ANKRD13C: variants seen among roughly 807,000 people sequenced by gnomAD.
ANKRD13C encodes the protein ankyrin repeat domain 13C.
In ANKRD13C, 16 loss-of-function variants were observed where a neutral mutation model predicts 65.5. The ratio of observed to expected loss-of-function variants is 0.24; its 90% confidence interval spans 0.17 to 0.37. ANKRD13C has a LOEUF of 0.37. Ranked by LOEUF, ANKRD13C falls within the 10% of genes least tolerant of loss-of-function variation. The pLI, the probability that ANKRD13C is intolerant of heterozygous loss-of-function variation, is 1.00. For synonymous variants in ANKRD13C, 235 were observed against 238.7 expected (o/e 0.98, Z 0.14); for missense variants, 503 against 655.9 (o/e 0.77, Z 2.55).
At chr1:70,288,463 TCATTATGGCCCAAAA>T (rs1442440313) in intron 9 of ANKRD13C, among the ~76,000 whole-genome samples, 1 of 152,220 alleles carries the variant, frequency 6.6e-6, no homozygotes, top group Non-Finnish European at 1.5e-5. Context: ...GCAGCTTAAT[TCATTATGGCCCAAAA>T]CAACCCAGAT....
chr1:70,353,448 T>C (rs1405350781), intron 1 of ANKRD13C, among the ~76,000 whole-genome samples: 1 of 152,204 alleles, frequency 6.6e-6, no homozygotes, highest in Admixed American at 6.5e-5. Context: ...AAATTTCTAC[T>C]GTGTGGCTTT....
chr1:70,264,896 A>C (rs1179477844), intron 12 of ANKRD13C, among the ~76,000 whole-genome samples: 1 of 152,190 alleles, frequency 6.6e-6, no homozygotes, highest in Non-Finnish European at 1.5e-5. Flanking sequence ...TTTTCAGTAA[A>C]GACCTGAGAT....
rs1682915363 is a variant in ANKRD13C, at chr1:70,354,537, C to A, written c.-129G>T. ...AGCGCAGCATGAACTCCCACTGAGCCCCCGAGCCTGGGACAAACGCATCTC... is the reference window on the plus strand; with the variant it reads ...AGCGCAGCATGAACTCCCACTGAGCACCCGAGCCTGGGACAAACGCATCTC... On this transcript the variant is annotated 5_prime_UTR_variant, in exon 1 of 13. Coordinates refer to ENST00000370944, the MANE Select transcript of ANKRD13C (RefSeq NM_030816.5). 4 of 1,440,136 alleles carry A rather than the reference C, an allele frequency of 2.8e-6. No individual in the cohort carries two copies. The highest frequency in any genetic ancestry group is 3.6e-6 in the Non-Finnish European group (4 of 1,102,326). 89.2% of individuals were successfully genotyped at this position (1,440,136 alleles called of 1,614,324 possible). A position where few individuals can be genotyped will look rare whatever the true frequency, so the allele number is the denominator to read the frequency against.
At chr1:70,279,624 G>T (rs1288908623) in intron 9 of ANKRD13C, among the ~76,000 whole-genome samples, 7 of 149,806 alleles carry the variant, frequency 4.7e-5, no homozygotes, top group African/African-American at 1.7e-4. Flanking sequence ...TTCTGCCTCA[G>T]CCTCCTGAGT....
intron 2 of ANKRD13C, among the ~76,000 whole-genome samples, chr1:70,334,907 A>AAAAT (rs986908851): frequency 5.9e-5 from 9 of 152,010 alleles, no homozygotes; most frequent in African/African-American, 1.9e-4. Flanking sequence ...ATTCTATCTC[A>AAAAT]AAATAAATAA....
intron 1 of ANKRD13C, among the ~76,000 whole-genome samples, chr1:70,346,499 T>C (rs1431466797): frequency 6.6e-6 from 1 of 152,108 alleles, no homozygotes; most frequent in East Asian, 1.9e-4. Context: ...TAGTTGCGAC[T>C]TTGTGCACCC....
chr1:70,331,240 A>G (rs768666931), intron 2 of ANKRD13C, among the ~76,000 whole-genome samples: 1 of 152,172 alleles, frequency 6.6e-6, no homozygotes, highest in Non-Finnish European at 1.5e-5. Flanking sequence ...TAGGCTGAAC[A>G]ATGATATAAT....
At chr1:70,318,687 T>TTG (rs1558297318) in intron 3 of ANKRD13C, among the ~76,000 whole-genome samples, 1 of 145,792 alleles carries the variant, frequency 6.9e-6, no homozygotes, top group African/African-American at 2.5e-5. Flanking sequence ...TTGTTTTTTT[T>TTG]TTTTTTTTTT....
chr1:70,315,664 C>T (rs1007657744), intron 3 of ANKRD13C, 98 bp from the exon 4 acceptor site: 37 of 873,808 alleles, frequency 4.2e-5, no homozygotes, highest in Non-Finnish European at 5.6e-5. Flanking sequence ...TACATGTACA[C>T]ATATATGCAC....
intron 12 of ANKRD13C, 33 bp downstream of exon 12, chr1:70,270,823 G>T (rs1002920212): frequency 2.1e-6 from 3 of 1,408,974 alleles, no homozygotes; most frequent in South Asian, 2.4e-5. Context: ...ATTCCTAATG[G>T]ACACTAAAAT....
intron 9 of ANKRD13C, among the ~76,000 whole-genome samples, chr1:70,278,097 G>A (rs1300904286): frequency 6.6e-6 from 1 of 151,828 alleles, no homozygotes; most frequent in Non-Finnish European, 1.5e-5. Context: ...GCTGAGGCGG[G>A]AGGATCACTT....
chr1:70,292,177 A>G (rs1679893504), intron 9 of ANKRD13C: 1 of 373,000 alleles, frequency 2.7e-6, no homozygotes, highest in Non-Finnish European at 4.7e-6. Context: ...TGAAGACTCA[A>G]AGATAAAGTA....
chr1:70,350,261 G>A (rs1378338545), intron 1 of ANKRD13C, among the ~76,000 whole-genome samples: 1 of 152,168 alleles, frequency 6.6e-6, no homozygotes, highest in East Asian at 1.9e-4. Context: ...CCAGCAATAA[G>A]GTTAGTTCTG....
At chr1:70,309,072 T>C (rs1680722475) in intron 5 of ANKRD13C, among the ~76,000 whole-genome samples, 1 of 150,702 alleles carries the variant, frequency 6.6e-6, no homozygotes, top group Non-Finnish European at 1.5e-5. Flanking sequence ...AGACAGAGTG[T>C]CGCTCTGTCA....
At chr1:70,325,078 G>T in intron 2 of ANKRD13C, 121 bp from the exon 3 acceptor site, 1 of 592,848 alleles carries the variant, frequency 1.7e-6, no homozygotes, top group Non-Finnish European at 2.6e-6. Context: ...ATTGTACCAT[G>T]TAGAATTATG....
rs779449709 is a variant in ANKRD13C at position 70,354,183 on chromosome 1, G to T, written c.226C>A (p.Pro76Thr). 5.0e-6 allele frequency: 8 copies of T among 1,613,832 alleles called. No individual in the cohort carries two copies. The highest frequency in any genetic ancestry group is 5.1e-6 in the Non-Finnish European group (6 of 1,180,034). ...GAGGAATTGTGCAGCGGCAGAGCCG[G>T]GGCGCCGGGGGGATTGGAGGAGGCC... ...APASSNPPGA[P>T]ALPLHNSSVT... Residue 76 changes from proline (P) to threonine (T), a missense_variant, in exon 1 of 13, where the codon CCG (proline) becomes ACG (threonine). By Grantham distance (38) the Pro-to-Thr change is conservative. This residue lies in a region of ANKRD13C where 203 missense variants were observed against 177.6 expected (regional missense o/e 1.14). Coordinates refer to ENST00000370944, the MANE Select transcript of ANKRD13C (RefSeq NM_030816.5).
At chr1:70,289,304 A>G (rs1476337604) in intron 9 of ANKRD13C, among the ~76,000 whole-genome samples, 2 of 152,170 alleles carry the variant, frequency 1.3e-5, no homozygotes, top group Non-Finnish European at 2.9e-5. Flanking sequence ...CTATTCAAAT[A>G]CATCCGGTTA....
intron 1 of ANKRD13C, among the ~76,000 whole-genome samples, chr1:70,352,066 G>A (rs1682763459): frequency 6.6e-6 from 1 of 152,096 alleles, no homozygotes; most frequent in Non-Finnish European, 1.5e-5. Flanking sequence ...AAGGCCAGGC[G>A]CGGTGGCTCA....
In ANKRD13C at chr1:70,302,599, G is replaced by A. The variant is rs1368042845; in HGVS notation, c.777-1691C>T. On this transcript the variant is annotated intron_variant, in intron 6 of 12. Transcript: ENST00000370944. ...AAATTAGCCGGGCGTAGTGGCGGGC[G>A]CCTGTAGTCCCAGCTACTTGGGAGG... is the stretch of plus-strand genomic sequence containing the variant. Among the ~76,000 whole-genome samples, 10 of 134,618 alleles carry A rather than the reference G, an allele frequency of 7.4e-5. 1 individual carries two copies. Among genetic ancestry groups the A allele is most frequent in the African/African-American group, 2.9e-4 (10 of 34,442 alleles). 88.3% of individuals were successfully genotyped at this position (134,618 alleles called of 152,430 possible). A position where few individuals can be genotyped will look rare whatever the true frequency, so the allele number is the denominator to read the frequency against.
Sources: gnomAD v4.1 joint callset for allele counts (sites outside exome capture counted in the v4.1 genomes callset) on GRCh38, gnomAD v4.1.1 for gene constraint, gnomAD v4.1.1 regional missense constraint, MANE v1.5 for transcripts, NCBI Gene and HGNC (gene_info 2026-07-23, HGNC 2026-07-21) for gene names.